Variants in FARS2 observed in about 807,000 individuals in gnomAD.
The protein encoded by FARS2 is phenylalanyl-tRNA synthetase 2, mitochondrial, also known as phenylalanine--tRNA ligase, mitochondrial.
FARS2 carries 40 observed loss-of-function variants against 46.4 expected under a neutral mutation model. That is an observed-to-expected ratio of 0.86 (90% CI 0.67 to 1.12). The LOEUF is 1.12. Among genes scored for constraint, FARS2 ranks in the 50% most tolerant of loss-of-function variants. The pLI is 0.00. For synonymous variants in FARS2, 234 were observed against 214.9 expected, an observed-to-expected ratio of 1.09 and a Z score of -0.78; for missense variants, 513 against 567.9, an observed-to-expected ratio of 0.90 and a Z score of 0.98.
At chr6:5,494,137 T>G (rs1767305099) in intron 4 of FARS2, among the ~76,000 whole-genome samples, 2 of 151,974 alleles carry the variant, frequency 1.3e-5, no homozygotes, top group African/African-American at 4.8e-5. Context: ...TTTTTTTTTT[T>G]TTGTGGTGTC....
intron 5 of FARS2, among the ~76,000 whole-genome samples, chr6:5,595,767 G>A (rs9328319): frequency 0.83 from 125,880 of 152,136 alleles, 52,231 homozygotes; most frequent in African/African-American, 0.88. Flanking sequence ...TACGCTTACC[G>A]ACGCTGACAC....
intron 6 of FARS2, among the ~76,000 whole-genome samples, chr6:5,730,973 A>G (rs780549898): frequency 1.3e-5 from 2 of 152,214 alleles, no homozygotes; most frequent in African/African-American, 4.8e-5. Flanking sequence ...GCTGGGACAC[A>G]GACCCACACT....
chr6:5,464,921 T>C (rs573731929), intron 4 of FARS2, among the ~76,000 whole-genome samples: 1 of 152,292 alleles, frequency 6.6e-6, no homozygotes, highest in African/African-American at 2.4e-5. Context: ...TTCAGTGTCC[T>C]TGAAGAGAAC....
At chr6:5,719,341 C>T (rs34018278) in intron 6 of FARS2, among the ~76,000 whole-genome samples, 50,126 of 146,068 alleles carry the variant, frequency 0.34, 10,456 homozygotes, top group Non-Finnish European at 0.47. Context: ...GTGATCACAC[C>T]ACTACACTGC....
intron 1 of FARS2, among the ~76,000 whole-genome samples, chr6:5,268,170 T>C (rs1002385433): frequency 1.1e-4 from 16 of 151,984 alleles, no homozygotes; most frequent in African/African-American, 3.9e-4. Flanking sequence ...TTCACTCTGA[T>C]GGTAGTTTCT....
chr6:5,555,224 A>G (rs565462389), intron 5 of FARS2, among the ~76,000 whole-genome samples: 3 of 152,180 alleles, frequency 2.0e-5, no homozygotes, highest in Admixed American at 2.0e-4. Context: ...ACCTCTCGTT[A>G]TGATTCTGAG....
rs973603034 is a variant in FARS2, at chr6:5,537,563, G to A, written c.905-7617G>A. On this transcript the variant is annotated intron_variant, in intron 4 of 6. Transcript: ENST00000274680. The stretch of plus-strand genomic sequence containing the variant: ...CCTCCTCTCGAGTTGGAGATGTCCC[G>A]GGCTTCCTCTCGAGTTGGAGATGTC... Among the ~76,000 whole-genome samples the A allele has an allele frequency of 1.5e-3, 168 of 112,486 alleles. 2 individuals are homozygous for A. Among genetic ancestry groups the A allele is most frequent in the African/African-American group, 5.2e-3 (156 of 30,254 alleles). The allele number at this position is 112,486 out of a possible 152,430, so 73.8% of individuals were successfully genotyped here. A position where few individuals can be genotyped will look rare whatever the true frequency, so the allele number is the denominator to read the frequency against.
Position 5,420,643 on chromosome 6 carries a change from T to C in FARS2, c.773-10398T>C, listed in dbSNP as rs564073080. On this transcript the variant is annotated intron_variant, in intron 3 of 6. Coordinates refer to ENST00000274680, the MANE Select transcript of FARS2 (RefSeq NM_006567.5). ...ATGTCTCACATACAGGTCCTGCTGATGCAAGAGGTATGTTCCCATGGTTTT... is the reference window on the plus strand; with the variant it reads ...ATGTCTCACATACAGGTCCTGCTGACGCAAGAGGTATGTTCCCATGGTTTT... 4.9e-4 allele frequency among the ~76,000 whole-genome samples: 75 copies of C among 152,348 alleles called. 1 individual carries two copies. The highest frequency in any genetic ancestry group is 1.7e-3 in the African/African-American group (72 of 41,590).
chr6:5,673,965 T>C lies in FARS2; in HGVS notation c.1217+60645T>C, dbSNP rs17141141. Among the ~76,000 whole-genome samples, 479 of 152,206 alleles carry C rather than the reference T, an allele frequency of 3.1e-3. 4 individuals are homozygous for C. Among genetic ancestry groups the C allele is most frequent in the Admixed American group, 0.024 (361 of 15,278 alleles). On this transcript the variant is annotated intron_variant, in intron 6 of 6. Transcript: ENST00000274680. ...TTTAATCATTTTACTTATTTGCTTA[T>C]TTAAACTTCTGAATCTGTAACAATT...
rs879639440 is a variant in FARS2 at position 5,764,716 on chromosome 6, A to G, written c.1218-6575A>G. On this transcript the variant is annotated intron_variant, in intron 6 of 6. Coordinates refer to ENST00000274680, the MANE Select transcript of FARS2 (RefSeq NM_006567.5). This position sits in a 1 kb window ranked among gnomAD's most constrained non-coding sequence, Gnocchi z 4.1. The stretch of plus-strand genomic sequence containing the variant: ...TCTGTCACAGATGGAGAAGCAGACT[A>G]TTGTGGATGTTGCAGGAGCTGGGAT... Among the ~76,000 whole-genome samples, 4 of 152,158 alleles carry G rather than the reference A, an allele frequency of 2.6e-5. No homozygotes were observed. Among genetic ancestry groups the G allele is most frequent in the African/African-American group, 9.7e-5 (4 of 41,432 alleles).
At chr6:5,376,117 T>C (rs1409002298) in intron 2 of FARS2, among the ~76,000 whole-genome samples, 1 of 152,200 alleles carries the variant, frequency 6.6e-6, no homozygotes, top group African/African-American at 2.4e-5. Flanking sequence ...TTCTTTTACA[T>C]GATCACTACC....
intron 5 of FARS2, among the ~76,000 whole-genome samples, chr6:5,589,035 A>C (rs1773773357): frequency 6.6e-6 from 1 of 152,218 alleles, no homozygotes; most frequent in Admixed American, 6.5e-5. Flanking sequence ...TTAAAGAGAC[A>C]ACTGGCCCTC....
chr6:5,454,123 T>C (rs143790038), intron 4 of FARS2, among the ~76,000 whole-genome samples: 1 of 152,216 alleles, frequency 6.6e-6, no homozygotes, highest in African/African-American at 2.4e-5. Flanking sequence ...ATGTCCCTGG[T>C]TTGTTTGTTT....
intron 1 of FARS2, among the ~76,000 whole-genome samples, chr6:5,333,070 A>T (rs1023289430): frequency 1.3e-5 from 2 of 152,350 alleles, no homozygotes; most frequent in Non-Finnish European, 2.9e-5. Context: ...AAAGTGTACC[A>T]TTCTGCTTTC....
intron 5 of FARS2, among the ~76,000 whole-genome samples, chr6:5,610,361 A>G (rs6901943): frequency 0.035 from 5,293 of 152,186 alleles, 290 homozygotes; most frequent in African/African-American, 0.12. Flanking sequence ...GAACACATCA[A>G]TGCAGTCAGC....
At chr6:5,609,824 C>T in intron 5 of FARS2, 1 of 1,148,126 alleles carries the variant, frequency 8.7e-7, no homozygotes, top group South Asian at 1.2e-5. Flanking sequence ...AAAATAATCT[C>T]TTCAAAATAA....
At chr6:5,361,172 C>T (rs1017990928) in intron 1 of FARS2, among the ~76,000 whole-genome samples, 3 of 152,092 alleles carry the variant, frequency 2.0e-5, no homozygotes, top group Non-Finnish European at 4.4e-5. Flanking sequence ...GAGTTAAGAT[C>T]ATATCGTACA....
At chr6:5,468,532 C>G (rs1228099918) in intron 4 of FARS2, among the ~76,000 whole-genome samples, 1 of 152,056 alleles carries the variant, frequency 6.6e-6, no homozygotes, top group African/African-American at 2.4e-5. Context: ...AGAAAGAATA[C>G]TTATGTTTTA....
At chr6:5,260,646 A>C, upstream of FARS2, 1 of 1,196,388 alleles carries the variant, frequency 8.4e-7, no homozygotes, top group South Asian at 1.3e-5. Flanking sequence ...CCGCTGGGTC[A>C]CCTGTAATTG....
Sources: allele counts gnomAD v4.1 joint callset (sites outside exome capture counted in the v4.1 genomes callset), GRCh38; gene constraint gnomAD v4.1.1; non-coding constraint Gnocchi (gnomAD v3.1); transcripts MANE v1.5; gene names NCBI Gene and HGNC (gene_info 2026-07-23, HGNC 2026-07-21).